The following PTPRN2 variants were observed in gnomAD, a reference collection of about 807,000 sequenced individuals.
PTPRN2 encodes the protein receptor-type tyrosine-protein phosphatase N2.
PTPRN2 carries 74 observed loss-of-function variants against 118.8 expected under a neutral mutation model. That is an observed-to-expected ratio of 0.62 (90% CI 0.52 to 0.76). The LOEUF is 0.76. Among genes scored for constraint, PTPRN2 ranks in the 30% least tolerant of loss-of-function variants. The pLI is 0.00. For synonymous variants in PTPRN2, 641 were observed against 608.0 expected, an observed-to-expected ratio of 1.05 and a Z score of -0.80; for missense variants, 1,481 against 1,394.4, an observed-to-expected ratio of 1.06 and a Z score of -0.99.
chr7:158,445,939 C>T (rs780069490), intron 2 of PTPRN2, among the ~76,000 whole-genome samples: 2 of 152,194 alleles, frequency 1.3e-5, no homozygotes, highest in African/African-American at 4.8e-5. Flanking sequence ...GGTGAGCCCT[C>T]GGACCACCGC....
At chr7:158,025,260 A>G (rs1188538807) in intron 11 of PTPRN2, among the ~76,000 whole-genome samples, 1 of 152,204 alleles carries the variant, frequency 6.6e-6, no homozygotes, top group East Asian at 1.9e-4. Context: ...GCCACAATGC[A>G]GTTGATGTAC....
intron 3 of PTPRN2, among the ~76,000 whole-genome samples, chr7:158,232,636 C>CA (rs908280839): frequency 1.3e-5 from 2 of 150,070 alleles, no homozygotes; most frequent in Non-Finnish European, 3.0e-5. Context: ...AAAGACAAGA[C>CA]AAAAAAAAAG....
chr7:157,842,703 T>C (rs915573898), intron 12 of PTPRN2, among the ~76,000 whole-genome samples: 1 of 152,078 alleles, frequency 6.6e-6, no homozygotes, highest in African/African-American at 2.4e-5. Flanking sequence ...TCATCTGGCC[T>C]CACAAGGGCA....
At chr7:158,211,554 A>G (rs1335849920) in intron 3 of PTPRN2, among the ~76,000 whole-genome samples, 1 of 152,248 alleles carries the variant, frequency 6.6e-6, no homozygotes, top group East Asian at 1.9e-4. Context: ...GCAAATAGAT[A>G]TAACTCTGAA....
intron 11 of PTPRN2, among the ~76,000 whole-genome samples, chr7:158,040,905 G>A (rs962006144): frequency 6.6e-6 from 1 of 152,014 alleles, no homozygotes; most frequent in Non-Finnish European, 1.5e-5. Context: ...GCTAATTTTT[G>A]TATTTTTAGT....
chr7:157,687,906 T>C (rs1797273908), intron 12 of PTPRN2, among the ~76,000 whole-genome samples: 1 of 152,232 alleles, frequency 6.6e-6, no homozygotes, highest in Non-Finnish European at 1.5e-5. Flanking sequence ...TTCTAATAAA[T>C]GAGAGAAGTC....
At chr7:158,541,818 A>G in intron 1 of PTPRN2, 1 of 834,322 alleles carries the variant, frequency 1.2e-6, no homozygotes, top group Non-Finnish European at 1.4e-6. Flanking sequence ...GGGGAAGCTG[A>G]GAGACTGCAG....
intron 12 of PTPRN2, among the ~76,000 whole-genome samples, chr7:157,877,966 C>T (rs960815104): frequency 3.9e-5 from 6 of 152,186 alleles, no homozygotes; most frequent in East Asian, 3.9e-4. Flanking sequence ...TAATTAACAG[C>T]GCCCCAAGGA....
At chr7:158,072,040 C>T (rs1279910813) in intron 11 of PTPRN2, among the ~76,000 whole-genome samples, 6 of 115,206 alleles carry the variant, frequency 5.2e-5, no homozygotes, top group Non-Finnish European at 7.1e-5. Flanking sequence ...TGGAGGTGCT[C>T]GTGGTGGTGG....
chr7:158,485,009 T>G (rs1820903424), intron 2 of PTPRN2, among the ~76,000 whole-genome samples: 1 of 152,082 alleles, frequency 6.6e-6, no homozygotes, highest in African/African-American at 2.4e-5. Flanking sequence ...CCAGCCGCTG[T>G]TGCTGTGGCC....
intron 11 of PTPRN2, among the ~76,000 whole-genome samples, chr7:157,985,063 G>A (rs1471426764): frequency 6.6e-6 from 1 of 152,210 alleles, no homozygotes; most frequent in Admixed American, 6.5e-5. Flanking sequence ...GGCCTTGACT[G>A]ACAGCTTTCT....
chr7:158,185,442 A>C (rs1825055283), intron 5 of PTPRN2, among the ~76,000 whole-genome samples: 1 of 152,228 alleles, frequency 6.6e-6, no homozygotes, highest in African/African-American at 2.4e-5. Context: ...AGTTACTGAC[A>C]GAGGAGAGTT....
intron 12 of PTPRN2, among the ~76,000 whole-genome samples, chr7:157,826,230 C>T (rs867784298): frequency 8.5e-5 from 12 of 141,548 alleles, no homozygotes; most frequent in South Asian, 2.4e-4. Flanking sequence ...CAATCGCGAG[C>T]GCCATTTCCA....
chr7:157,599,700 GC>G (rs1002877792), intron 16 of PTPRN2, among the ~76,000 whole-genome samples: 5 of 152,234 alleles, frequency 3.3e-5, no homozygotes, highest in African/African-American at 1.2e-4. Flanking sequence ...TCCCAAACCA[GC>G]CCCGGCCTCT....
rs1456190710 is a variant in PTPRN2 at position 158,390,359 on chromosome 7, A to T, written c.164-73427T>A. ...GCGAGTGGCACTAAGTCGCAGCCGAACCAATTTGCTTCATGGGAAACACAT... is the reference window on the plus strand; with the variant it reads ...GCGAGTGGCACTAAGTCGCAGCCGATCCAATTTGCTTCATGGGAAACACAT... On this transcript the variant is annotated intron_variant, in intron 2 of 22. Transcript: ENST00000389418. Among the ~76,000 whole-genome samples the T allele has an allele frequency of 2.6e-5, 4 of 152,338 alleles. No homozygotes were observed. In the East Asian group the frequency reaches 7.7e-4, roughly 29 times the overall value.
At chr7:157,917,502 A>G (rs538588852) in intron 11 of PTPRN2, among the ~76,000 whole-genome samples, 1 of 152,332 alleles carries the variant, frequency 6.6e-6, no homozygotes, top group African/African-American at 2.4e-5. Context: ...GAAAGGGAGC[A>G]TGGCTGCGCA....
intron 21 of PTPRN2, among the ~76,000 whole-genome samples, chr7:157,551,159 C>T (rs1798577955): frequency 6.6e-6 from 1 of 152,080 alleles, no homozygotes; most frequent in Non-Finnish European, 1.5e-5. Flanking sequence ...CAAGTCCCTG[C>T]ATGGAGAGCG....
rs565644367 is a variant in PTPRN2 at position 158,016,190 on chromosome 7, T to C, written c.1723+65108A>G. On this transcript the variant is annotated intron_variant, in intron 11 of 22. Coordinates refer to ENST00000389418, the MANE Select transcript of PTPRN2 (RefSeq NM_002847.5). Reference sequence around the variant, plus strand: ...CCCCCTGATGATTCCGAGTCTCTCATACAAGGGAGGTGGGGAGGATGGGCA... The same window carrying C: ...CCCCCTGATGATTCCGAGTCTCTCACACAAGGGAGGTGGGGAGGATGGGCA... Among the ~76,000 whole-genome samples, 32 of 152,258 alleles carry C rather than the reference T, an allele frequency of 2.1e-4. No individual in the cohort carries two copies. In the South Asian group the frequency reaches 5.6e-3, roughly 27 times the overall value.
chr7:157,790,213 A>G (rs1247875313), intron 12 of PTPRN2, among the ~76,000 whole-genome samples: 3 of 58,102 alleles, frequency 5.2e-5, no homozygotes, highest in African/African-American at 7.1e-5. Flanking sequence ...TGGGGTGGTG[A>G]CGTGTGTGTA....
Sources: gnomAD v4.1 joint callset for allele counts (sites outside exome capture counted in the v4.1 genomes callset) on GRCh38, gnomAD v4.1.1 for gene constraint, MANE v1.5 for transcripts, NCBI Gene and HGNC (gene_info 2026-07-23, HGNC 2026-07-21) for gene names.